Variants in ESCO1 observed in about 807,000 individuals in gnomAD.
The protein encoded by ESCO1 is establishment of sister chromatid cohesion N-acetyltransferase 1.
Under a neutral mutation model 83.5 loss-of-function variants are expected in ESCO1, and 33 were observed. The observed-to-expected ratio is 0.40, with a 90% confidence interval of 0.30 to 0.53. The LOEUF is 0.53. Among genes scored for constraint, ESCO1 ranks in the 20% least tolerant of loss-of-function variants. The pLI is 0.63. For synonymous variants in ESCO1, 332 were observed against 324.3 expected (o/e 1.02, Z -0.25); for missense variants, 855 against 968.0 (o/e 0.88, Z 1.55).
rs191282350 is a variant in ESCO1 at position 21,595,821 on chromosome 18, G to A, written c.-825+4802C>T. Among the ~76,000 whole-genome samples, 1,245 of 149,420 alleles carry A rather than the reference G, an allele frequency of 8.3e-3. 21 individuals are homozygous for A. The highest frequency in any genetic ancestry group is 0.028 in the African/African-American group (1,128 of 40,592). ...TACTAAAAAATACAAAAAATTAGCC[G>A]GGCATGGTGGCGGGCGCCTGTACTC... On this transcript the variant is annotated intron_variant, in intron 1 of 11. Coordinates refer to ENST00000269214, the MANE Select transcript of ESCO1 (RefSeq NM_052911.3).
chr18:21,583,438 G>A (rs1333251116), intron 2 of ESCO1, among the ~76,000 whole-genome samples: 1 of 152,104 alleles, frequency 6.6e-6, no homozygotes, highest in Non-Finnish European at 1.5e-5. Context: ...GAGGTCAGGG[G>A]CCTGACACCA....
rs764550417 is a variant in ESCO1 at position 21,532,636 on chromosome 18, G to A, written c.2212C>T (p.Leu738Phe). Residue 738 changes from leucine to phenylalanine, a missense_variant, in exon 11 of 12, where the codon CTT (leucine) becomes TTT (phenylalanine). This residue lies in a region of ESCO1 where 129 missense variants were observed against 268.5 expected (regional missense o/e 0.48). Transcript: ENST00000269214. ...QWGYRVIEEK[L>F]PVIRSEEEKV... ...TCTTCTTCTGACCTGATAACTGGAA[G>A]TTTCTCTTCTATAACTCTGTAGCCC... is the stretch of plus-strand genomic sequence containing the variant. 6.2e-7 allele frequency: 1 copy of A among 1,614,040 alleles called. No homozygotes were observed. Among genetic ancestry groups the A allele is most frequent in the Non-Finnish European group, 8.5e-7 (1 of 1,179,986 alleles).
chr18:21,553,527 T>C (rs1264704699), intron 8 of ESCO1, among the ~76,000 whole-genome samples: 3 of 148,546 alleles, frequency 2.0e-5, no homozygotes, highest in South Asian at 2.1e-4. Context: ...AGCCACAGGC[T>C]GGAAAAAAAT....
intron 8 of ESCO1, among the ~76,000 whole-genome samples, chr18:21,550,831 G>A (rs1368165470): frequency 6.6e-6 from 1 of 152,216 alleles, no homozygotes; most frequent in East Asian, 1.9e-4. Flanking sequence ...AGCACGTGTT[G>A]GCCGGGCGTG....
At chr18:21,577,343 G>C (rs1333815667) in intron 2 of ESCO1, among the ~76,000 whole-genome samples, 4 of 119,110 alleles carry the variant, frequency 3.4e-5, no homozygotes, top group Non-Finnish European at 4.9e-5. Flanking sequence ...GGCAACAAGA[G>C]TGAGACTCCA....
In ESCO1 at chr18:21,570,183, A is replaced by C. The variant is rs555303825; in HGVS notation, c.1531-2089T>G. 8.5e-5 allele frequency among the ~76,000 whole-genome samples: 13 copies of C among 152,270 alleles called. No individual in the cohort carries two copies. The East Asian group carries it at 2.5e-3, about 29-fold the overall frequency. ...AATGATCACAGCTCACTGCAGCCTC[A>C]ACCTCCTGGGCTCAAGAGGTCCTCC... On this transcript the variant is annotated intron_variant, in intron 4 of 11. Coordinates refer to ENST00000269214, the MANE Select transcript of ESCO1 (RefSeq NM_052911.3).
rs141644808 is a variant in ESCO1 at position 21,574,711 on chromosome 18, T to C, written c.133A>G (p.Ile45Val). ...CTGGAAGATTTAGCCTGTGATTTTA[T>C]AGTCTCCTTTGGACCTGATTTTTTT... The part of the protein sequence containing the change: ...LAKKSGPKET[I>V]KSQAKSSSES... The change falls in exon 4 of 12, where the codon ATA (isoleucine) becomes GTA (valine). Residue 45 changes from isoleucine (I) to valine (V), a missense_variant. Ile to Val is a conservative substitution (Grantham distance 29). Transcript: ENST00000269214. 3 of 1,613,036 alleles carry C rather than the reference T, an allele frequency of 1.9e-6. No individual in the cohort carries two copies. Among genetic ancestry groups the C allele is most frequent in the Non-Finnish European group, 2.5e-6 (3 of 1,180,000 alleles).
chr18:21,566,003 T>C (rs1208204454), intron 6 of ESCO1, 143 bp downstream of exon 6: 3 of 669,294 alleles, frequency 4.5e-6, no homozygotes, highest in South Asian at 3.8e-5. Context: ...AAACAGTATG[T>C]ATAGGCATAG....
chr18:21,574,408 G>C lies in ESCO1; in HGVS notation c.436C>G (p.Gln146Glu), dbSNP rs768894732. The change falls in exon 4 of 12, where the codon CAA becomes GAA. Residue 146 changes from glutamine to glutamate, a missense_variant. Transcript: ENST00000269214. Reference sequence around the variant, plus strand: ...GGTGGCAAACTCTGTTTAACTGCTTGAACTTGACCCTGAATTTCTCTACTG... The same window carrying C: ...GGTGGCAAACTCTGTTTAACTGCTTCAACTTGACCCTGAATTTCTCTACTG... Reference protein sequence around the residue: ...LRSREIQGQVQAVKQSLPPTK... With the variant: ...LRSREIQGQVEAVKQSLPPTK... 2 of 1,614,038 alleles carry C rather than the reference G, an allele frequency of 1.2e-6. No individual in the cohort carries two copies. Among genetic ancestry groups the C allele is most frequent in the South Asian group, 2.2e-5 (2 of 91,066 alleles).
chr18:21,590,898 T>C (rs143560370), intron 1 of ESCO1, among the ~76,000 whole-genome samples: 1 of 150,440 alleles, frequency 6.6e-6, no homozygotes, highest in Non-Finnish European at 1.5e-5. Flanking sequence ...TGAGCCAAGA[T>C]CTCATTACTG....
chr18:21,534,424 G>A (rs901091078), intron 10 of ESCO1, among the ~76,000 whole-genome samples: 1 of 152,198 alleles, frequency 6.6e-6, no homozygotes, highest in African/African-American at 2.4e-5. Context: ...GAAAAAGATA[G>A]AATTCAGGTC....
intron 2 of ESCO1, among the ~76,000 whole-genome samples, chr18:21,580,176 G>C (rs1020925679): frequency 6.6e-6 from 1 of 152,040 alleles, no homozygotes; most frequent in Non-Finnish European, 1.5e-5. Flanking sequence ...TGGGATTACA[G>C]GCATGAATCA....
At chr18:21,596,517 G>A (rs1048949069) in intron 1 of ESCO1, among the ~76,000 whole-genome samples, 1 of 151,998 alleles carries the variant, frequency 6.6e-6, no homozygotes. Context: ...TAATATTACA[G>A]GGAAAATGTT....
At chr18:21,533,422 A>G (rs1228748440) in intron 10 of ESCO1, among the ~76,000 whole-genome samples, 1 of 152,004 alleles carries the variant, frequency 6.6e-6, no homozygotes, top group Non-Finnish European at 1.5e-5. Flanking sequence ...CAGCCTCCCA[A>G]GTAGCTGAGA....
chr18:21,573,350 A>G lies in ESCO1; in HGVS notation c.1494T>C (p.Asn498=). The part of the protein sequence containing the change: ...EIKPSDPPLD[N]QMKHSFDSAS... ...CTGAATCAAAAGAATGTTTCATCTG[A>G]TTATCCAATGGTGGGTCAGAAGGTT... The change falls in exon 4 of 12, where the codon AAT becomes AAC. Residue 498 remains asparagine (N), a synonymous_variant. Coordinates refer to ENST00000269214, the MANE Select transcript of ESCO1 (RefSeq NM_052911.3). 6.3e-7 allele frequency: 1 copy of G among 1,585,708 alleles called. No individual in the cohort carries two copies. Among genetic ancestry groups the G allele is most frequent in the Non-Finnish European group, 8.5e-7 (1 of 1,173,048 alleles).
At position 21,532,801 on chromosome 18, in the gene ESCO1, AACAG is replaced by A. The variant is rs140869412; in HGVS notation, c.2188-145_2188-142del. The A allele has an allele frequency of 3.3e-3, 2,365 of 718,126 alleles. 67 individuals are homozygous for A. The East Asian group carries it at 0.047, about 14-fold the overall frequency. 44.5% of individuals were successfully genotyped at this position (718,126 alleles called of 1,614,324 possible). ...TATGCTTTCACTCTCATTTTTAGGA[AACAG>A]ACAATCTGGATCTGCATTCTGTTCC... On this transcript the variant is annotated intron_variant, in intron 10 of 11. Coordinates refer to ENST00000269214, the MANE Select transcript of ESCO1 (RefSeq NM_052911.3).
intron 2 of ESCO1, among the ~76,000 whole-genome samples, chr18:21,582,950 G>C (rs1012880566): frequency 5.9e-5 from 9 of 151,674 alleles, no homozygotes; most frequent in South Asian, 2.1e-4. Flanking sequence ...CAGCACTTTG[G>C]GGGGGCCAAG....
intron 2 of ESCO1, among the ~76,000 whole-genome samples, chr18:21,576,450 C>T (rs2038419722): frequency 6.6e-6 from 1 of 152,128 alleles, no homozygotes; most frequent in African/African-American, 2.4e-5. Context: ...TTGCAGTAAG[C>T]TATAATCATG....
At chr18:21,545,399 C>G (rs1006896017) in intron 8 of ESCO1, among the ~76,000 whole-genome samples, 4 of 151,398 alleles carry the variant, frequency 2.6e-5, no homozygotes, top group Admixed American at 6.6e-5. Context: ...CATGGCAAAC[C>G]CCGTCTCTAC....
Sources: gnomAD v4.1 joint callset for allele counts (sites outside exome capture counted in the v4.1 genomes callset) on GRCh38, gnomAD v4.1.1 for gene constraint, gnomAD v4.1.1 regional missense constraint, MANE v1.5 for transcripts, NCBI Gene and HGNC (gene_info 2026-07-23, HGNC 2026-07-21) for gene names.